The following SGIP1 variants were observed in gnomAD, a reference collection of about 807,000 sequenced individuals.
SGIP1 encodes the protein SH3GL interacting endocytic adaptor 1, also known as SH3-containing GRB2-like protein 3-interacting protein 1.
A neutral mutation model predicts 107.5 loss-of-function variants in SGIP1; 38 were observed. That is an observed-to-expected ratio of 0.35 (90% CI 0.27 to 0.46). SGIP1 has a LOEUF of 0.46. SGIP1 is among the 20% of genes least tolerant of loss of function. The probability of loss-of-function intolerance (pLI) is 1.00; values close to 1 mark genes in which losing one functional copy is unlikely to be tolerated. For missense variants in SGIP1, 929 were observed against 1,019.5 expected (o/e 0.91, Z 1.21); for synonymous variants, 365 against 366.1 (o/e 1.00, Z 0.03).
In SGIP1 at chr1:66,689,192, A is replaced by C; in HGVS notation, c.1360A>C (p.Arg454=). The C allele has an allele frequency of 6.2e-7, 1 of 1,613,790 alleles. No individual in the cohort carries two copies. The highest frequency in any genetic ancestry group is 8.5e-7 in the Non-Finnish European group (1 of 1,179,844). The change falls in exon 16 of 25, where the codon AGA becomes CGA. Residue 454 remains arginine, a synonymous_variant. Coordinates refer to ENST00000371037, the MANE Select transcript of SGIP1 (RefSeq NM_032291.4). Reference sequence around the variant, plus strand: ...ACCAGCCACTCCTTTGGTTCCTTGCAGAAGTACCACTCCACCTCCACCTCC... The same window carrying C: ...ACCAGCCACTCCTTTGGTTCCTTGCCGAAGTACCACTCCACCTCCACCTCC... ...ARPATPLVPC[R]STTPPPPPPR...
intron 7 of SGIP1, among the ~76,000 whole-genome samples, chr1:66,658,477 T>A (rs1042838872): frequency 7.2e-5 from 11 of 152,078 alleles, no homozygotes; most frequent in Non-Finnish European, 2.9e-5. Context: ...TGAGGACACA[T>A]AGCTTGTGCC....
rs572228213 is a variant in SGIP1 at position 66,629,678 on chromosome 1, C to T, written c.75-3392C>T. Among the ~76,000 whole-genome samples the T allele has an allele frequency of 4.1e-4, 62 of 151,882 alleles. No individual in the cohort carries two copies. The Middle Eastern group carries it at 0.017, about 42-fold the overall frequency. On this transcript the variant is annotated intron_variant, in intron 2 of 24. Transcript: ENST00000371037. ...TTTTTAAAATAGAAGTCAGCAAATACAATAAGTCTGCCATGAAAAAGAAAA... is the reference window on the plus strand; with the variant it reads ...TTTTTAAAATAGAAGTCAGCAAATATAATAAGTCTGCCATGAAAAAGAAAA...
chr1:66,676,603 T>C (rs4655650), intron 12 of SGIP1, among the ~76,000 whole-genome samples: 105,811 of 152,028 alleles, frequency 0.7, 38,568 homozygotes, highest in East Asian at 1. Flanking sequence ...GAAGCATATT[T>C]ATAGGAGGCT....
rs961550242 is a variant in SGIP1, at chr1:66,633,516, G to A, written c.99+422G>A. Among the ~76,000 whole-genome samples the A allele has an allele frequency of 2.6e-5, 4 of 152,182 alleles. No individual in the cohort carries two copies. The South Asian group carries it at 8.3e-4, about 32-fold the overall frequency. On this transcript the variant is annotated intron_variant, in intron 3 of 24. Coordinates refer to ENST00000371037, the MANE Select transcript of SGIP1 (RefSeq NM_032291.4). Reference sequence around the variant, plus strand: ...GCTTTTCCCCTTTAGTAGTTGTGCTGCAGATACATTTTCTATATTAAATTC... The same window carrying A: ...GCTTTTCCCCTTTAGTAGTTGTGCTACAGATACATTTTCTATATTAAATTC...
At chr1:66,609,455 G>A (rs961861542) in intron 1 of SGIP1, among the ~76,000 whole-genome samples, 5 of 152,152 alleles carry the variant, frequency 3.3e-5, no homozygotes, top group South Asian at 2.1e-4. Context: ...TTAGGGAATA[G>A]AAAGAATTTT....
In SGIP1 at chr1:66,743,698, C is replaced by T. The variant is rs2094516386; in HGVS notation, c.*603C>T. 1 of 152,482 alleles carries T rather than the reference C, an allele frequency of 6.6e-6. No individual in the cohort carries two copies. Among genetic ancestry groups the T allele is most frequent in the South Asian group, 2.1e-4 (1 of 4,830 alleles). 9.4% of individuals were successfully genotyped at this position (152,482 alleles called of 1,614,324 possible). ...TCAGAAAAAAATTCTAAGGTTACAG[C>T]ATATTCAAAGAAAAGCATTAGTTAC... On this transcript the variant is annotated 3_prime_UTR_variant, in exon 25 of 25. Transcript: ENST00000371037.
At chr1:66,670,676 A>C (rs909045904) in intron 9 of SGIP1, among the ~76,000 whole-genome samples, 1 of 152,156 alleles carries the variant, frequency 6.6e-6, no homozygotes, top group Non-Finnish European at 1.5e-5. Flanking sequence ...TTTCTTATCT[A>C]CTAGACTTCA....
chr1:66,600,710 G>T (rs1164502286), intron 1 of SGIP1, among the ~76,000 whole-genome samples: 1 of 152,162 alleles, frequency 6.6e-6, no homozygotes, highest in Non-Finnish European at 1.5e-5. Flanking sequence ...AAGCCAGTGG[G>T]TAGATTAGGT....
chr1:66,536,585 C>T (rs539214883), intron 1 of SGIP1, among the ~76,000 whole-genome samples: 85 of 152,296 alleles, frequency 5.6e-4, no homozygotes, highest in African/African-American at 1.9e-3. Flanking sequence ...ATTATTTCAA[C>T]TTAACTCATC....
intron 12 of SGIP1, among the ~76,000 whole-genome samples, chr1:66,675,482 T>C (rs925165255): frequency 1.3e-5 from 2 of 151,854 alleles, no homozygotes; most frequent in Admixed American, 6.6e-5. Context: ...CTTCTTTAGA[T>C]TGATTTTTCT....
At chr1:66,591,827 C>T (rs56313125) in intron 1 of SGIP1, among the ~76,000 whole-genome samples, 2,500 of 152,270 alleles carry the variant, frequency 0.016, 35 homozygotes, top group Middle Eastern at 0.027. Context: ...AGCAGGAAAA[C>T]GTGAGCAAAG....
intron 11 of SGIP1, 40 bp downstream of exon 11, chr1:66,672,035 T>C (rs1437498707): frequency 6.3e-7 from 1 of 1,594,384 alleles, no homozygotes; most frequent in Non-Finnish European, 8.6e-7. Flanking sequence ...ATGCAAGGCA[T>C]CATGAACTTT....
At chr1:66,563,927 C>G (rs1314930898) in intron 1 of SGIP1, among the ~76,000 whole-genome samples, 2 of 151,988 alleles carry the variant, frequency 1.3e-5, no homozygotes, top group Non-Finnish European at 2.9e-5. Flanking sequence ...CGCAGAGGTC[C>G]TATCTAGGGC....
chr1:66,583,975 G>C (rs745621883), intron 1 of SGIP1, among the ~76,000 whole-genome samples: 1 of 152,144 alleles, frequency 6.6e-6, no homozygotes, highest in Non-Finnish European at 1.5e-5. Flanking sequence ...GAAGAGTCTA[G>C]TTCCAACAGG....
intron 19 of SGIP1, among the ~76,000 whole-genome samples, chr1:66,728,556 G>T (rs1393683760): frequency 6.6e-6 from 1 of 152,052 alleles, no homozygotes; most frequent in African/African-American, 2.4e-5. Flanking sequence ...ATTCCTCAAA[G>T]AACTAAAAAC....
intron 9 of SGIP1, 25 bp from the exon 10 acceptor site, chr1:66,670,969 CT>C: frequency 7.9e-7 from 1 of 1,266,220 alleles, no homozygotes; most frequent in Non-Finnish European, 1.1e-6. Context: ...GGTCTTAAAC[CT>C]TATAGTGTCT....
intron 21 of SGIP1, among the ~76,000 whole-genome samples, chr1:66,738,945 C>T (rs976208665): frequency 2.0e-5 from 3 of 152,056 alleles, no homozygotes; most frequent in Non-Finnish European, 4.4e-5. Flanking sequence ...TCCCATTTAG[C>T]GGATGAGGGA....
At chr1:66,691,109 C>CA (rs2089738109) in intron 17 of SGIP1, among the ~76,000 whole-genome samples, 1 of 152,182 alleles carries the variant, frequency 6.6e-6, no homozygotes, top group African/African-American at 2.4e-5. Flanking sequence ...AGGGCTTTCC[C>CA]ATTCCATTTT....
chr1:66,693,191 A>G (rs2031477), intron 17 of SGIP1, among the ~76,000 whole-genome samples: 14 of 151,404 alleles, frequency 9.2e-5, no homozygotes, highest in Admixed American at 1.3e-4. Context: ...GGAGGATTAC[A>G]TGACCCCAGG....
Sources: gnomAD v4.1 joint callset for allele counts (sites outside exome capture counted in the v4.1 genomes callset) on GRCh38, gnomAD v4.1.1 for gene constraint, MANE v1.5 for transcripts, NCBI Gene and HGNC (gene_info 2026-07-23, HGNC 2026-07-21) for gene names.